Variants in OSBPL8 observed in about 807,000 individuals in gnomAD.
OSBPL8 encodes oxysterol-binding protein-related protein 8.
In OSBPL8, 59 loss-of-function variants were observed where a neutral mutation model predicts 125.5. That is an observed-to-expected ratio of 0.47 (90% CI 0.38 to 0.58). OSBPL8 has a LOEUF of 0.58. OSBPL8 is among the 20% of genes least tolerant of loss of function. The pLI, the probability that OSBPL8 is intolerant of heterozygous loss-of-function variation, is 0.00. For missense variants in OSBPL8, 758 were observed against 1,047.8 expected (o/e 0.72, Z 3.82); for synonymous variants, 330 against 338.9 (o/e 0.97, Z 0.29).
At chr12:76,415,727 G>C (rs1369844201) in intron 4 of OSBPL8, among the ~76,000 whole-genome samples, 1 of 152,024 alleles carries the variant, frequency 6.6e-6, no homozygotes, top group African/African-American at 2.4e-5. Flanking sequence ...TCCAACTATA[G>C]TTATATCTCT....
At chr12:76,517,231 A>G (rs567794135) in intron 1 of OSBPL8, among the ~76,000 whole-genome samples, 38 of 152,366 alleles carry the variant, frequency 2.5e-4, no homozygotes, top group African/African-American at 9.1e-4. Context: ...TACAATTAAA[A>G]AATGTAATCA....
At position 76,442,467 on chromosome 12, in the gene OSBPL8, T is replaced by C. The variant is rs115199844; in HGVS notation, c.217+8384A>G. 5.4e-3 allele frequency among the ~76,000 whole-genome samples: 816 copies of C among 152,286 alleles called. 5 individuals carry two copies. The highest frequency in any genetic ancestry group is 0.019 in the African/African-American group (774 of 41,572). On this transcript the variant is annotated intron_variant, in intron 4 of 23. Transcript: ENST00000261183. ...AAAACAACCTATTTTTAAACATAAC[T>C]TGAAATCTAAATTACAGATATTTAA...
chr12:76,455,000 C>T (rs773905925), intron 3 of OSBPL8, among the ~76,000 whole-genome samples: 3 of 151,442 alleles, frequency 2.0e-5, no homozygotes, highest in Non-Finnish European at 4.4e-5. Context: ...TCTGGGAGGC[C>T]GAGGCTGGTG....
chr12:76,492,440 G>A (rs1419253373), intron 1 of OSBPL8, among the ~76,000 whole-genome samples: 1 of 152,164 alleles, frequency 6.6e-6, no homozygotes, highest in African/African-American at 2.4e-5. Flanking sequence ...TGTTTCCAAT[G>A]CATGGGCCAC....
At chr12:76,418,865 G>T (rs1279134100) in intron 4 of OSBPL8, among the ~76,000 whole-genome samples, 1 of 151,462 alleles carries the variant, frequency 6.6e-6, no homozygotes, top group Non-Finnish European at 1.5e-5. Context: ...CAGATATTCA[G>T]AATGATTACT....
At chr12:76,363,282 T>C (rs1016310459) in intron 21 of OSBPL8, among the ~76,000 whole-genome samples, 2 of 152,080 alleles carry the variant, frequency 1.3e-5, no homozygotes, top group African/African-American at 4.8e-5. Context: ...TTTCAAACTA[T>C]ACTACAAGGC....
At chr12:76,492,509 T>C (rs1489363359) in intron 1 of OSBPL8, among the ~76,000 whole-genome samples, 3 of 152,022 alleles carry the variant, frequency 2.0e-5, no homozygotes, top group Non-Finnish European at 4.4e-5. Flanking sequence ...AGGTGAAAGG[T>C]GGGTGAGTGA....
rs1462081744 is a variant in OSBPL8 at position 76,444,140 on chromosome 12, G to A, written c.217+6711C>T. Reference sequence around the variant, plus strand: ...AACTTTAGAACAGCTTTTAAAGAATGATGAGCTACATTAAGTTGGTATGAG... The same window carrying A: ...AACTTTAGAACAGCTTTTAAAGAATAATGAGCTACATTAAGTTGGTATGAG... On this transcript the variant is annotated intron_variant, in intron 4 of 23. Coordinates refer to ENST00000261183, the MANE Select transcript of OSBPL8 (RefSeq NM_020841.5). Among the ~76,000 whole-genome samples, 4 of 152,272 alleles carry A rather than the reference G, an allele frequency of 2.6e-5. No individual in the cohort carries two copies. The South Asian group carries it at 8.3e-4, about 32-fold the overall frequency.
chr12:76,409,011 T>C (rs1954396014), intron 5 of OSBPL8, among the ~76,000 whole-genome samples: 2 of 151,874 alleles, frequency 1.3e-5, no homozygotes, highest in East Asian at 3.9e-4. Flanking sequence ...AAAAAAAAAC[T>C]ATAAATCTCA....
Position 76,443,516 on chromosome 12 carries a change from T to C in OSBPL8, c.217+7335A>G, listed in dbSNP as rs369277030. 2.0e-5 allele frequency among the ~76,000 whole-genome samples: 3 copies of C among 152,080 alleles called. No homozygotes were observed. The East Asian group carries it at 5.8e-4, about 29-fold the overall frequency. ...ATTAATCTACATTTCTGTCTTCTTT[T>C]TCATTTTTTTGAGACAGAGTCTTGC... On this transcript the variant is annotated intron_variant, in intron 4 of 23. Transcript: ENST00000261183.
intron 6 of OSBPL8, among the ~76,000 whole-genome samples, chr12:76,400,344 T>C (rs1953998322): frequency 1.3e-5 from 2 of 152,258 alleles, no homozygotes; most frequent in Non-Finnish European, 2.9e-5. Context: ...TGTCATTCTT[T>C]ATTATGGCCA....
intron 1 of OSBPL8, among the ~76,000 whole-genome samples, chr12:76,553,614 AGTGAG>A (rs1486501117): frequency 6.6e-6 from 1 of 151,250 alleles, no homozygotes. Context: ...TCGAGGCTGC[AGTGAG>A]CCATGGTAGT....
intron 4 of OSBPL8, among the ~76,000 whole-genome samples, chr12:76,417,335 T>G (rs1272967090): frequency 6.6e-6 from 1 of 152,218 alleles, no homozygotes; most frequent in Non-Finnish European, 1.5e-5. Flanking sequence ...CTGTCTTTGA[T>G]GGTCTGTAGT....
intron 8 of OSBPL8, 91 bp from the exon 9 acceptor site, chr12:76,394,820 A>T: frequency 2.4e-6 from 2 of 833,418 alleles, no homozygotes; most frequent in Non-Finnish European, 3.6e-6. Flanking sequence ...TAATAATCTA[A>T]ATCAGGTATG....
rs142502184 is a variant in OSBPL8 at position 76,467,858 on chromosome 12, C to T, written c.43-7963G>A. Reference sequence around the variant, plus strand: ...TGCCAAGATCACCATACACAGAAGACAGTATGTATTACGGTTTATTCAACA... The same window carrying T: ...TGCCAAGATCACCATACACAGAAGATAGTATGTATTACGGTTTATTCAACA... On this transcript the variant is annotated intron_variant, in intron 2 of 23. Transcript: ENST00000261183. 3.9e-5 allele frequency among the ~76,000 whole-genome samples: 6 copies of T among 152,250 alleles called. No individual in the cohort carries two copies. In the East Asian group the frequency reaches 1.2e-3, roughly 29 times the overall value.
intron 1 of OSBPL8, among the ~76,000 whole-genome samples, chr12:76,490,400 C>A (rs1164976950): frequency 6.6e-6 from 1 of 152,150 alleles, no homozygotes; most frequent in South Asian, 2.1e-4. Context: ...CTATAAAGAC[C>A]CCAGACTCAG....
At chr12:76,546,051 C>G (rs1407260695) in intron 1 of OSBPL8, among the ~76,000 whole-genome samples, 1 of 152,116 alleles carries the variant, frequency 6.6e-6, no homozygotes, top group Non-Finnish European at 1.5e-5. Context: ...ATGTCGAGGG[C>G]TGACATTTAC....
chr12:76,412,684 T>C (rs906724230), intron 4 of OSBPL8, among the ~76,000 whole-genome samples: 8 of 152,180 alleles, frequency 5.3e-5, no homozygotes, highest in African/African-American at 1.9e-4. Context: ...TTCATTTTTT[T>C]CTAATCTTTA....
At chr12:76,471,587 C>T (rs922073850) in intron 2 of OSBPL8, among the ~76,000 whole-genome samples, 2 of 152,130 alleles carry the variant, frequency 1.3e-5, no homozygotes, top group African/African-American at 4.8e-5. Flanking sequence ...TCTTCCATAC[C>T]GATATCATAG....
Sources: allele counts gnomAD v4.1 joint callset (sites outside exome capture counted in the v4.1 genomes callset), GRCh38; gene constraint gnomAD v4.1.1; transcripts MANE v1.5; gene names NCBI Gene and HGNC (gene_info 2026-07-23, HGNC 2026-07-21).